PMS2: variants seen among roughly 807,000 people sequenced by gnomAD.
PMS2 encodes the protein mismatch repair endonuclease PMS2.
Under a neutral mutation model 90.0 loss-of-function variants are expected in PMS2, and 69 were observed. That is an observed-to-expected ratio of 0.77 (90% CI 0.63 to 0.94). The LOEUF (loss-of-function observed/expected upper bound fraction) is 0.94. PMS2 is among the 40% of genes least tolerant of loss of function. The pLI, the probability that PMS2 is intolerant of heterozygous loss-of-function variation, is 0.00. For synonymous variants in PMS2, 332 were observed against 375.1 expected, an observed-to-expected ratio of 0.89 and a Z score of 1.33; for missense variants, 966 against 1,040.2, an observed-to-expected ratio of 0.93 and a Z score of 0.98.
At chr7:6,002,000 G>C (rs1311417786) in intron 5 of PMS2, 1 of 151,002 alleles carries the variant, frequency 6.6e-6, no homozygotes, top group Non-Finnish European at 1.5e-5. Context: ...CTCAAAAAAA[G>C]ATAAAAATAA....
chr7:5,988,052 C>CAAA (rs10543125), intron 10 of PMS2, among the ~76,000 whole-genome samples: 2 of 41,122 alleles, frequency 4.9e-5, no homozygotes, highest in Non-Finnish European at 4.3e-5. Flanking sequence ...CACTCTGTCT[C>CAAA]AAAAAAAAAA....
Position 5,999,174 on chromosome 7 carries a change from A to G in PMS2, c.639T>C (p.Pro213=), listed in dbSNP as rs1210294498. The G allele has an allele frequency of 1.2e-6, 2 of 1,614,124 alleles. No homozygotes were observed. The highest frequency in any genetic ancestry group is 2.2e-5 in the South Asian group (2 of 91,088). The change falls in exon 6 of 15, where the codon CCT becomes CCC. Residue 213 remains proline (P), a synonymous_variant. Transcript: ENST00000265849. ...TNQLGQGKRQ[P]VVCTGGSPSI... Reference sequence around the variant, plus strand: ...TGGGGCTTCCACCTGTGCATACCACAGGCTGTCGTTTTCCTTGTCCAAGCT... The same window carrying G: ...TGGGGCTTCCACCTGTGCATACCACGGGCTGTCGTTTTCCTTGTCCAAGCT...
intron 5 of PMS2, 36 bp downstream of exon 5, chr7:6,002,417 C>A: frequency 7.3e-7 from 1 of 1,363,422 alleles, no homozygotes; most frequent in East Asian, 2.3e-5. Flanking sequence ...TGTGCATTAA[C>A]CAATACTCTT....
chr7:6,006,778 C>G (rs1785821197), intron 1 of PMS2, among the ~76,000 whole-genome samples: 1 of 152,086 alleles, frequency 6.6e-6, no homozygotes, highest in African/African-American at 2.4e-5. Flanking sequence ...ACACAGTTGC[C>G]TTTGATACCC....
chr7:5,976,108 T>C (rs200104331), intron 14 of PMS2, among the ~76,000 whole-genome samples: 33,122 of 131,958 alleles, frequency 0.25, 3,154 homozygotes, highest in Non-Finnish European at 0.3. Flanking sequence ...GTGTGGTGGG[T>C]GCCTGTAGTC....
chr7:5,973,288 A>AT lies in PMS2; in HGVS notation c.*110dup, dbSNP rs761736567. ...TCACTTTTAAATGGGTGTGATGTGTATTTTTTTTAAGTAGCAGGTTCATTT... is the reference window on the plus strand; with the variant it reads ...TCACTTTTAAATGGGTGTGATGTGTATTTTTTTTTAAGTAGCAGGTTCATTT... On this transcript the variant is annotated 3_prime_UTR_variant, in exon 15 of 15. Transcript: ENST00000265849. The AT allele has an allele frequency of 3.0e-5, 39 of 1,319,144 alleles. No individual in the cohort carries two copies. Among genetic ancestry groups the AT allele is most frequent in the Non-Finnish European group, 3.5e-5 (33 of 941,720 alleles). 81.7% of individuals were successfully genotyped at this position (1,319,144 alleles called of 1,614,324 possible).
In PMS2 at chr7:5,978,696, TC is replaced by T; in HGVS notation, c.2175-1del. On this transcript the variant is annotated splice_acceptor_variant, in intron 12 of 14. Coordinates refer to ENST00000265849, the MANE Select transcript of PMS2 (RefSeq NM_000535.7). LOFTEE classifies it high-confidence loss of function. The stretch of plus-strand genomic sequence containing the variant: ...CAGCAGTTAAGTTGAGAGTCTGAGG[TC>T]TGAAAAACACAAAAATGATTCAAAC... 6.3e-7 allele frequency: 1 copy of T among 1,578,570 alleles called. No homozygotes were observed. The highest frequency in any genetic ancestry group is 8.7e-7 in the Non-Finnish European group (1 of 1,150,810).
rs1554304003 is a variant in PMS2, at chr7:6,002,544, T to A, written c.446A>T (p.Tyr149Phe). Residue 149 changes from tyrosine (Y) to phenylalanine (F), a missense_variant, in exon 5 of 15, where the codon TAC becomes TTC. By Grantham distance (22) the Tyr-to-Phe change is conservative. This residue lies in a region of PMS2 where 871 missense variants were observed against 802.4 expected (regional missense o/e 1.09). Coordinates refer to ENST00000265849, the MANE Select transcript of PMS2 (RefSeq NM_000535.7). Reference sequence around the variant, plus strand: ...GACTGTGGTCCCTCTGGGGCGGGGGTAGGGGGTTTTCTGGATAATTTTCCC... The same window carrying A: ...GACTGTGGTCCCTCTGGGGCGGGGGAAGGGGGTTTTCTGGATAATTTTCCC... ...HNGKIIQKTP[Y>F]PRPRGTTVSV... 1 of 1,611,190 alleles carries A rather than the reference T, an allele frequency of 6.2e-7. No homozygotes were observed. Among genetic ancestry groups the A allele is most frequent in the Non-Finnish European group, 8.5e-7 (1 of 1,179,456 alleles).
chr7:5,996,390 C>G (rs1784390652), intron 7 of PMS2, among the ~76,000 whole-genome samples: 1 of 151,600 alleles, frequency 6.6e-6, no homozygotes, highest in Non-Finnish European at 1.5e-5. Flanking sequence ...CCCGTCTCCA[C>G]TAAAAATACA....
intron 1 of PMS2, among the ~76,000 whole-genome samples, chr7:6,008,048 C>T (rs529836664): frequency 3.9e-5 from 6 of 151,904 alleles, no homozygotes; most frequent in African/African-American, 7.2e-5. Flanking sequence ...TTAGTAGAAA[C>T]GGATTTCACC....
In PMS2 at chr7:5,999,105, T is replaced by G; in HGVS notation, c.705+3A>C. The G allele has an allele frequency of 6.2e-7, 1 of 1,613,924 alleles. No homozygotes were observed. Among genetic ancestry groups the G allele is most frequent in the Non-Finnish European group, 8.5e-7 (1 of 1,179,884 alleles). ...AGGCGTTGAAGTAACCGGCCATCAC[T>G]ACCTGCTTCTGCCCAAACACAGAGC... On this transcript the variant is annotated splice_donor_region_variant and intron_variant, in intron 6 of 14. Coordinates refer to ENST00000265849, the MANE Select transcript of PMS2 (RefSeq NM_000535.7).
intron 5 of PMS2, 94 bp from the exon 6 acceptor site, chr7:5,999,369 A>G: frequency 9.4e-7 from 1 of 1,069,334 alleles, no homozygotes; most frequent in Non-Finnish European, 1.4e-6. Flanking sequence ...AGGTTCTCAC[A>G]TCATCGCACA....
chr7:5,997,391 G>T lies in PMS2; in HGVS notation c.738C>A (p.Pro246=). ...LQSLIPFVQL[P]PSDSVCEEYG... is the part of the protein sequence containing the mutation. ...ACTCTTCACACACGGAGTCACTAGG[G>T]GGCAGCTGAACAAAAGGAATGAGGC... Residue 246 remains proline, a synonymous_variant, in exon 7 of 15, where the codon CCC becomes CCA. Transcript: ENST00000265849. 1.2e-6 allele frequency: 2 copies of T among 1,605,400 alleles called. No homozygotes were observed. Among genetic ancestry groups the T allele is most frequent in the Non-Finnish European group, 1.7e-6 (2 of 1,174,334 alleles).
rs576317272 is a variant in PMS2, at chr7:5,989,784, A to C, written c.1144+16T>G. On this transcript the variant is annotated intron_variant, in intron 10 of 14. Transcript: ENST00000265849. ...TAAAAGCTTTAGAAGCTGTTTGTAC[A>C]CTGTATTTTTCTTACCTTCAACATC... The C allele has an allele frequency of 6.2e-7, 1 of 1,603,006 alleles. No individual in the cohort carries two copies. The highest frequency in any genetic ancestry group is 1.3e-5 in the African/African-American group (1 of 74,902).
chr7:5,992,498 T>G (rs1213519521), intron 8 of PMS2, among the ~76,000 whole-genome samples: 1 of 152,022 alleles, frequency 6.6e-6, no homozygotes, highest in Non-Finnish European at 1.5e-5. Flanking sequence ...TTTTGTGTTT[T>G]TAGTAGAGAT....
At position 5,983,007 on chromosome 7, in the gene PMS2, G is replaced by A. The variant is rs587781111; in HGVS notation, c.2007-16C>T. 6.2e-6 allele frequency: 9 copies of A among 1,440,870 alleles called. No homozygotes were observed. Among genetic ancestry groups the A allele is most frequent in the Non-Finnish European group, 8.6e-6 (9 of 1,047,396 alleles). The allele number at this position is 1,440,870 out of a possible 1,614,324, so 89.3% of individuals were successfully genotyped here. On this transcript the variant is annotated splice_polypyrimidine_tract_variant and intron_variant, in intron 11 of 14. Coordinates refer to ENST00000265849, the MANE Select transcript of PMS2 (RefSeq NM_000535.7). ...CATCGTTTTACTGCAGGTAGAAAATGTTAATTATCAGACATTTTACAAGAT... is the reference window on the plus strand; with the variant it reads ...CATCGTTTTACTGCAGGTAGAAAATATTAATTATCAGACATTTTACAAGAT...
Position 5,987,492 on chromosome 7 carries a change from A to T in PMS2, c.1273T>A (p.Ser425Thr). Residue 425 changes from serine to threonine, a missense_variant, in exon 11 of 15, where the codon TCT becomes ACT. Transcript: ENST00000265849. ...TTGTTCTCTGTTGTGTGACGAAGAG[A>T]AAAGGCCTCTCGCAGTCTGGAAATG... ...VSISRLREAF[S>T]LRHTTENKPH... is the part of the protein sequence containing the mutation. The T allele has an allele frequency of 1.9e-6, 3 of 1,614,088 alleles. No individual in the cohort carries two copies. The highest frequency in any genetic ancestry group is 2.5e-6 in the Non-Finnish European group (3 of 1,179,974).
chr7:6,001,069 CTT>C (rs34336241), intron 5 of PMS2, among the ~76,000 whole-genome samples: 54 of 152,234 alleles, frequency 3.5e-4, no homozygotes, highest in African/African-American at 1.3e-3. Flanking sequence ...GTTTAAGTAA[CTT>C]TTTAGATTAT....
At chr7:6,001,291 T>C (rs1383639062) in intron 5 of PMS2, among the ~76,000 whole-genome samples, 1 of 152,146 alleles carries the variant, frequency 6.6e-6, no homozygotes, top group Non-Finnish European at 1.5e-5. Context: ...ACAACGACTA[T>C]ATAACATTTA....
Sources: gnomAD v4.1 joint callset for allele counts (sites outside exome capture counted in the v4.1 genomes callset) on GRCh38, gnomAD v4.1.1 for gene constraint, gnomAD v4.1.1 regional missense constraint, MANE v1.5 for transcripts, NCBI Gene and HGNC (gene_info 2026-07-23, HGNC 2026-07-21) for gene names.